ITPR2: variants seen among roughly 807,000 people sequenced by gnomAD.
ITPR2 encodes inositol 1,4,5-trisphosphate receptor type 2.
Under a neutral mutation model 317.1 loss-of-function variants are expected in ITPR2, and 207 were observed. That is an observed-to-expected ratio of 0.65 (90% CI 0.58 to 0.73). The LOEUF is 0.73. Ranked by LOEUF, ITPR2 falls within the 30% of genes least tolerant of loss-of-function variation. ITPR2 has a pLI of 0.00. For synonymous variants in ITPR2, 1,156 were observed against 1,149.1 expected (o/e 1.01, Z -0.12); for missense variants, 2,613 against 3,284.0 (o/e 0.80, Z 4.99).
chr12:26,495,362 G>T, intron 37 of ITPR2, 102 bp from the exon 38 acceptor site: 1 of 617,938 alleles, frequency 1.6e-6, no homozygotes, highest in Non-Finnish European at 2.7e-6. Context: ...ATGATGTTGA[G>T]GCATGGAAAA....
chr12:26,509,635 G>A (rs1943277708), intron 37 of ITPR2, among the ~76,000 whole-genome samples: 1 of 152,128 alleles, frequency 6.6e-6, no homozygotes, highest in African/African-American at 2.4e-5. Context: ...ATGTAGACAG[G>A]CTCAAATTGC....
chr12:26,544,601 C>G (rs7316178), intron 37 of ITPR2, among the ~76,000 whole-genome samples: 9,569 of 86,582 alleles, frequency 0.11, 388 homozygotes, highest in Middle Eastern at 0.15. Context: ...CACAGAGACA[C>G]ACAGACACAC....
chr12:26,810,044 A>G (rs955691109), intron 1 of ITPR2, among the ~76,000 whole-genome samples: 3 of 152,258 alleles, frequency 2.0e-5, no homozygotes, highest in Non-Finnish European at 2.9e-5. Context: ...ACGCAAGATG[A>G]TGGCATCTCC....
At chr12:26,740,278 T>C (rs935021171) in intron 2 of ITPR2, among the ~76,000 whole-genome samples, 13 of 152,316 alleles carry the variant, frequency 8.5e-5, no homozygotes, top group Admixed American at 5.2e-4. Flanking sequence ...ACGAACAAAA[T>C]TGAGACTACT....
chr12:26,680,812 A>C (rs1948014521), intron 13 of ITPR2, among the ~76,000 whole-genome samples: 1 of 152,210 alleles, frequency 6.6e-6, no homozygotes, highest in African/African-American at 2.4e-5. Flanking sequence ...ATTTCAAACA[A>C]AGCTGAACAT....
intron 26 of ITPR2, among the ~76,000 whole-genome samples, chr12:26,619,640 C>G (rs892014657): frequency 7.9e-5 from 12 of 152,012 alleles, no homozygotes; most frequent in Non-Finnish European, 1.5e-4. Context: ...ATGCTACTGC[C>G]ATGATGCCGT....
intron 21 of ITPR2, among the ~76,000 whole-genome samples, chr12:26,650,811 G>C (rs1435888414): frequency 6.6e-6 from 1 of 152,192 alleles, no homozygotes; most frequent in Non-Finnish European, 1.5e-5. Context: ...AGTCTCACTA[G>C]TGAGATTCAG....
chr12:26,645,956 C>T (rs1947103069), intron 21 of ITPR2, among the ~76,000 whole-genome samples: 2 of 149,632 alleles, frequency 1.3e-5, no homozygotes, highest in Middle Eastern at 3.5e-3. Context: ...TATTTTTCTC[C>T]CTTTCTTTCT....
chr12:26,400,167 GC>G lies in ITPR2; in HGVS notation c.7490del (p.Gly2497AlafsTer8). 1 of 1,611,324 alleles carries G rather than the reference GC, an allele frequency of 6.2e-7. No homozygotes were observed. The highest frequency in any genetic ancestry group is 8.5e-7 in the Non-Finnish European group (1 of 1,178,250). On this transcript the variant is annotated frameshift_variant, in exon 53 of 57. Coordinates refer to ENST00000381340, the MANE Select transcript of ITPR2 (RefSeq NM_002223.4). LOFTEE classifies it high-confidence loss of function. ...VTVLNQGLRNGGGVGDVLRRP... is the reference protein window; with the variant it reads ...VTVLNQGLRNXGGVGDVLRRP... ...TTCTTAGCACATCCCCCACACCACC[GC>G]CATTCCTGAGGCCCTGGTTCAGCAC... is the stretch of plus-strand genomic sequence containing the variant.
chr12:26,782,023 TATATATATATGTATAGAG>T (rs1387084911), intron 2 of ITPR2, among the ~76,000 whole-genome samples: 60 of 28,410 alleles, frequency 2.1e-3, no homozygotes, highest in Admixed American at 3.8e-3. Context: ...TATATATATA[TATATATATATGTATAGAG>T]AGAGAGAGAG....
intron 45 of ITPR2, among the ~76,000 whole-genome samples, chr12:26,448,402 G>C (rs945197418): frequency 6.6e-6 from 1 of 152,044 alleles, no homozygotes; most frequent in Non-Finnish European, 1.5e-5. Flanking sequence ...AGAAATACTT[G>C]TATTCCACAA....
At chr12:26,816,925 A>T (rs1200385804) in intron 1 of ITPR2, among the ~76,000 whole-genome samples, 1 of 152,118 alleles carries the variant, frequency 6.6e-6, no homozygotes, top group Non-Finnish European at 1.5e-5. Flanking sequence ...ATAAAGGTGA[A>T]AAAGGTCACT....
intron 1 of ITPR2, among the ~76,000 whole-genome samples, chr12:26,824,185 T>C (rs1950979523): frequency 6.6e-6 from 1 of 152,218 alleles, no homozygotes; most frequent in Admixed American, 6.5e-5. Context: ...TATTTTGTAA[T>C]AAAAGTGTTG....
intron 1 of ITPR2, among the ~76,000 whole-genome samples, chr12:26,791,287 T>C (rs989814312): frequency 6.6e-6 from 1 of 152,146 alleles, no homozygotes; most frequent in Non-Finnish European, 1.5e-5. Context: ...CAGGTTTTTT[T>C]CCAGAATATT....
At chr12:26,600,348 C>T (rs1945966499) in intron 28 of ITPR2, among the ~76,000 whole-genome samples, 1 of 151,978 alleles carries the variant, frequency 6.6e-6, no homozygotes, top group African/African-American at 2.4e-5. Flanking sequence ...TCTACTTTTC[C>T]AATGCCCCCT....
At chr12:26,462,983 T>C (rs896456827) in intron 45 of ITPR2, among the ~76,000 whole-genome samples, 10 of 152,210 alleles carry the variant, frequency 6.6e-5, no homozygotes, top group Non-Finnish European at 1.5e-4. Flanking sequence ...ATAGTTAAGC[T>C]TTCTTCGTTT....
intron 55 of ITPR2, among the ~76,000 whole-genome samples, chr12:26,351,850 T>G (rs1000570954): frequency 2.6e-5 from 4 of 152,250 alleles, no homozygotes; most frequent in Admixed American, 6.5e-5. Flanking sequence ...TAATCTGAGT[T>G]ATCATCTCCT....
chr12:26,613,576 A>G (rs1168684478), intron 26 of ITPR2, among the ~76,000 whole-genome samples: 1 of 151,750 alleles, frequency 6.6e-6, no homozygotes, highest in Non-Finnish European at 1.5e-5. Context: ...ACACACACAC[A>G]CACACACACA....
At position 26,415,344 on chromosome 12, in the gene ITPR2, G is replaced by A. The variant is rs1329211476; in HGVS notation, c.7265C>T (p.Thr2422Ile). The stretch of plus-strand genomic sequence containing the variant: ...GTTTTTCAGCCTATCAACTTCCATA[G>A]TGAAGTCATCCTTCAAAAAAAGGAA... ...IGFLFLKDDF[T>I]MEVDRLKNRT... The change falls in exon 51 of 57, where the codon ACT becomes ATT. Residue 2422 changes from threonine (T) to isoleucine (I), a missense_variant. Coordinates refer to ENST00000381340, the MANE Select transcript of ITPR2 (RefSeq NM_002223.4). 1 of 1,611,536 alleles carries A rather than the reference G, an allele frequency of 6.2e-7. No homozygotes were observed. The highest frequency in any genetic ancestry group is 1.1e-5 in the South Asian group (1 of 90,718).
Sources: gnomAD v4.1 joint callset for allele counts (sites outside exome capture counted in the v4.1 genomes callset) on GRCh38, gnomAD v4.1.1 for gene constraint, MANE v1.5 for transcripts, NCBI Gene and HGNC (gene_info 2026-07-23, HGNC 2026-07-21) for gene names.